Variants in KIAA1958 observed in about 807,000 individuals in gnomAD.
KIAA1958 encodes the protein KIAA1958.
In KIAA1958, 14 loss-of-function variants were observed where a neutral mutation model predicts 47.2. The observed-to-expected ratio is 0.30, with a 90% CI of 0.20 to 0.46. The LOEUF (loss-of-function observed/expected upper bound fraction) is 0.46. KIAA1958 is among the 20% of genes least tolerant of loss of function. KIAA1958 has a pLI of 1.00. For missense variants in KIAA1958, 803 were observed against 909.2 expected (o/e 0.88, Z 1.50); for synonymous variants, 354 against 353.3 (o/e 1.00, Z -0.02).
At chr9:112,650,462 C>T (rs1197708158) in intron 3 of KIAA1958, among the ~76,000 whole-genome samples, 1 of 151,984 alleles carries the variant, frequency 6.6e-6, no homozygotes, top group Non-Finnish European at 1.5e-5. Flanking sequence ...TGTAAAGTTC[C>T]AACAATATTT....
Position 112,574,211 on chromosome 9 carries a change from T to G in KIAA1958, c.131T>G (p.Leu44Arg), listed in dbSNP as rs1835590884. 1.1e-5 allele frequency: 18 copies of G among 1,614,182 alleles called. No homozygotes were observed. The highest frequency in any genetic ancestry group is 1.5e-5 in the Non-Finnish European group (18 of 1,180,014). The change falls in exon 2 of 4, where the codon CTG (leucine) becomes CGG (arginine). Residue 44 changes from leucine (L) to arginine (R), a missense_variant. By Grantham distance (102) the Leu-to-Arg change is moderately radical (BLOSUM62 -2). Around this residue, in one of 2 missense-constraint regions of KIAA1958, gnomAD observed 42 missense variants for 79.9 expected, o/e 0.53. Transcript: ENST00000337530. ...CTTTCTGAAGGTTCCCATGGGAACC[T>G]GACAGCAATGTGGGGCTGTAGTGCT... ...HLLSEGSHGNLTAMWGCSAGH... is the reference protein window; with the variant it reads ...HLLSEGSHGNRTAMWGCSAGH...
chr9:112,487,013 G>T lies in KIAA1958; in HGVS notation c.-130G>T, dbSNP rs536390881. 3 of 182,286 alleles carry T rather than the reference G, an allele frequency of 1.6e-5. No individual in the cohort carries two copies. The South Asian group carries it at 2.7e-4, about 16-fold the overall frequency. The allele number at this position is 182,286 out of a possible 1,614,324, so 11.3% of individuals were successfully genotyped here. On this transcript the variant is annotated 5_prime_UTR_variant, in exon 1 of 4. Coordinates refer to ENST00000337530, the MANE Select transcript of KIAA1958 (RefSeq NM_133465.4). ...CCGGCCCTCTGGCCGCTCTCCTCCCGCCCTCGCGCCCCTTCGGCCCGTCCC... is the reference window on the plus strand; with the variant it reads ...CCGGCCCTCTGGCCGCTCTCCTCCCTCCCTCGCGCCCCTTCGGCCCGTCCC...
At chr9:112,607,532 G>T (rs1588037520) in intron 2 of KIAA1958, among the ~76,000 whole-genome samples, 1 of 152,010 alleles carries the variant, frequency 6.6e-6, no homozygotes, top group African/African-American at 2.4e-5. Flanking sequence ...AGCATAGGAG[G>T]CAGAGCTGAG....
intron 2 of KIAA1958, among the ~76,000 whole-genome samples, chr9:112,587,714 T>C (rs1835850096): frequency 6.6e-6 from 1 of 152,220 alleles, no homozygotes; most frequent in East Asian, 1.9e-4. Context: ...TCTTTATTTT[T>C]GTCATGGTAA....
In KIAA1958 at chr9:112,574,782, A is replaced by G. The variant is rs1835609436; in HGVS notation, c.702A>G (p.Ala234=). ...DGPALSLTQM[A]KPKPQTHAGP... ...CAGCCCTGTCCTTGACACAGATGGC[A>G]AAACCCAAGCCTCAGACTCACGCTG... The change falls in exon 2 of 4, where the codon GCA becomes GCG. Residue 234 remains alanine (A), a synonymous_variant. Coordinates refer to ENST00000337530, the MANE Select transcript of KIAA1958 (RefSeq NM_133465.4). 3.1e-6 allele frequency: 5 copies of G among 1,613,992 alleles called. No homozygotes were observed. Among genetic ancestry groups the G allele is most frequent in the Non-Finnish European group, 4.2e-6 (5 of 1,179,996 alleles).
intron 2 of KIAA1958, chr9:112,619,038 T>C (rs1836454217): frequency 1.0e-6 from 1 of 992,708 alleles, no homozygotes; most frequent in Admixed American, 4.6e-5. Flanking sequence ...AATATAAATA[T>C]ATAATATATT....
rs1837217958 is a variant in KIAA1958, at chr9:112,659,373, G to A, written c.1455G>A (p.Leu485=). 1 of 1,614,132 alleles carries A rather than the reference G, an allele frequency of 6.2e-7. No individual in the cohort carries two copies. The highest frequency in any genetic ancestry group is 1.6e-4 in the Middle Eastern group (1 of 6,062). ...CGCTCCATGCTATTCGCCGAGGCCTGGACCGCATCCTGAAGAATGCAGGTG... is the reference window on the plus strand; with the variant it reads ...CGCTCCATGCTATTCGCCGAGGCCTAGACCGCATCCTGAAGAATGCAGGTG... ...ATSLHAIRRG[L]DRILKNAGVG... The change falls in exon 4 of 4, where the codon CTG becomes CTA. Residue 485 remains leucine, a synonymous_variant. Transcript: ENST00000337530.
chr9:112,552,345 T>C (rs1486816999), intron 1 of KIAA1958, among the ~76,000 whole-genome samples: 1 of 152,232 alleles, frequency 6.6e-6, no homozygotes, highest in Admixed American at 6.5e-5. Flanking sequence ...TCTTTGGTTT[T>C]AAACCTTTAC....
intron 2 of KIAA1958, among the ~76,000 whole-genome samples, chr9:112,626,836 A>C (rs193283333): frequency 1.1e-3 from 170 of 151,746 alleles, no homozygotes; most frequent in African/African-American, 3.8e-3. Flanking sequence ...AAAAAAAAAA[A>C]CACCTTGCCA....
chr9:112,544,153 G>C (rs1834990665), intron 1 of KIAA1958, among the ~76,000 whole-genome samples: 1 of 151,838 alleles, frequency 6.6e-6, no homozygotes, highest in Non-Finnish European at 1.5e-5. Context: ...TCATTGTTTA[G>C]CCCTTTTCTT....
chr9:112,620,164 G>A (rs557299138), intron 2 of KIAA1958, among the ~76,000 whole-genome samples: 1 of 152,134 alleles, frequency 6.6e-6, no homozygotes, highest in Non-Finnish European at 1.5e-5. Flanking sequence ...TTGTTTTCAA[G>A]TCTTGATGCC....
chr9:112,583,581 T>A (rs778255898), intron 2 of KIAA1958, among the ~76,000 whole-genome samples: 3 of 152,202 alleles, frequency 2.0e-5, no homozygotes, highest in Non-Finnish European at 4.4e-5. Flanking sequence ...TTAGTGTCTA[T>A]CAATAGGGAA....
intron 2 of KIAA1958, among the ~76,000 whole-genome samples, chr9:112,589,067 A>G (rs1467736224): frequency 1.3e-5 from 2 of 152,166 alleles, no homozygotes; most frequent in Non-Finnish European, 2.9e-5. Context: ...GGCGTGAGCC[A>G]CCGTGCCCAG....
At chr9:112,500,464 T>TC (rs1280223105) in intron 1 of KIAA1958, among the ~76,000 whole-genome samples, 6 of 151,792 alleles carry the variant, frequency 4.0e-5, no homozygotes, top group Admixed American at 3.3e-4. Flanking sequence ...AATTTTTTTT[T>TC]TTTTTTTTAG....
At chr9:112,589,490 G>A (rs1195144265) in intron 2 of KIAA1958, among the ~76,000 whole-genome samples, 1 of 152,224 alleles carries the variant, frequency 6.6e-6, no homozygotes, top group African/African-American at 2.4e-5. Flanking sequence ...TACTCGGGAG[G>A]CTGAGGCAGG....
At chr9:112,595,335 A>G (rs551570627) in intron 2 of KIAA1958, among the ~76,000 whole-genome samples, 1 of 152,330 alleles carries the variant, frequency 6.6e-6, no homozygotes, top group African/African-American at 2.4e-5. Context: ...GCCAGCAGAA[A>G]ACATTAGATT....
At chr9:112,604,499 A>AC (rs1225389691) in intron 2 of KIAA1958, among the ~76,000 whole-genome samples, 1 of 152,206 alleles carries the variant, frequency 6.6e-6, no homozygotes, top group Non-Finnish European at 1.5e-5. Flanking sequence ...AAGAAATACA[A>AC]CCTTTCATTC....
chr9:112,496,986 T>G (rs951806650), intron 1 of KIAA1958, among the ~76,000 whole-genome samples: 2 of 152,198 alleles, frequency 1.3e-5, no homozygotes, highest in African/African-American at 4.8e-5. Flanking sequence ...GTTGAATATT[T>G]TGTCTTTTGT....
intron 1 of KIAA1958, among the ~76,000 whole-genome samples, chr9:112,557,820 C>A (rs2132846536): frequency 6.6e-6 from 1 of 152,192 alleles, no homozygotes; most frequent in Non-Finnish European, 1.5e-5. Flanking sequence ...AACAGCTTTT[C>A]CAACTAAGAA....
Sources: gnomAD v4.1 joint callset for allele counts (sites outside exome capture counted in the v4.1 genomes callset) on GRCh38, gnomAD v4.1.1 for gene constraint, gnomAD v4.1.1 regional missense constraint, MANE v1.5 for transcripts, NCBI Gene and HGNC (gene_info 2026-07-23, HGNC 2026-07-21) for gene names.